Variants in KCTD9 observed in about 807,000 individuals in gnomAD.
KCTD9 encodes the protein potassium channel tetramerization domain containing 9, also known as BTB/POZ domain-containing protein KCTD9.
Under a neutral mutation model 53.3 loss-of-function variants are expected in KCTD9, and 17 were observed. That is an observed-to-expected ratio of 0.32 (90% CI 0.22 to 0.48). The LOEUF (loss-of-function observed/expected upper bound fraction) is 0.48. KCTD9 is among the 20% of genes least tolerant of loss of function. The pLI is 0.99. For synonymous variants in KCTD9, 128 were observed against 162.7 expected, an observed-to-expected ratio of 0.79 and a Z score of 1.62; for missense variants, 179 against 465.5, an observed-to-expected ratio of 0.38 and a Z score of 5.66.
At chr8:25,434,360 G>A (rs957458134) in intron 9 of KCTD9, among the ~76,000 whole-genome samples, 5 of 152,154 alleles carry the variant, frequency 3.3e-5, no homozygotes, top group Non-Finnish European at 5.9e-5. Context: ...CCAAAGTGCT[G>A]GGTTTACAGG....
chr8:25,432,135 T>A (rs1257478332), intron 11 of KCTD9, among the ~76,000 whole-genome samples: 1 of 152,178 alleles, frequency 6.6e-6, no homozygotes, highest in African/African-American at 2.4e-5. Flanking sequence ...GGCAAAATTA[T>A]AATCTCAAGC....
At chr8:25,436,561 C>T (rs1400060859) in intron 6 of KCTD9, 76 bp from the exon 7 acceptor site, 22 of 854,292 alleles carry the variant, frequency 2.6e-5, no homozygotes, top group Middle Eastern at 3.7e-4. Context: ...TACTAAAATA[C>T]GATTAGTTCA....
intron 6 of KCTD9, among the ~76,000 whole-genome samples, chr8:25,438,948 C>A (rs182082318): frequency 6.6e-6 from 1 of 152,214 alleles, no homozygotes; most frequent in Admixed American, 6.5e-5. Context: ...ATTCTTAATT[C>A]AATTTTTAAA....
chr8:25,444,360 C>A, intron 2 of KCTD9, 25 bp from the exon 3 acceptor site: 1 of 1,598,952 alleles, frequency 6.3e-7, no homozygotes, highest in Non-Finnish European at 8.5e-7. Context: ...ATTTAAAAAG[C>A]TACCATCAAA....
intron 1 of KCTD9, among the ~76,000 whole-genome samples, chr8:25,452,953 G>A (rs540571685): frequency 1.1e-3 from 174 of 152,242 alleles, no homozygotes; most frequent in African/African-American, 4.0e-3. Context: ...GACTGCTTGA[G>A]GCCAGGAGTT....
At chr8:25,446,581 C>A (rs544929136) in intron 1 of KCTD9, among the ~76,000 whole-genome samples, 1 of 152,322 alleles carries the variant, frequency 6.6e-6, no homozygotes, top group East Asian at 1.9e-4. Context: ...TTGAGTCAAC[C>A]TACTGATGCT....
intron 3 of KCTD9, among the ~76,000 whole-genome samples, chr8:25,441,813 A>T (rs781416370): frequency 1.1e-4 from 17 of 152,060 alleles, no homozygotes; most frequent in Non-Finnish European, 1.8e-4. Flanking sequence ...GCAACAGGGC[A>T]AAACCCCAAA....
At chr8:25,450,519 A>G in intron 1 of KCTD9, 6 of 912,410 alleles carry the variant, frequency 6.6e-6, no homozygotes, top group Non-Finnish European at 7.9e-6. Context: ...TATAAATGCA[A>G]TTCTAAAGCA....
chr8:25,457,880 G>A, intron 1 of KCTD9: 1 of 222,312 alleles, frequency 4.5e-6, no homozygotes. Context: ...GACCGCCCGG[G>A]CGCCCAGGTG....
chr8:25,455,244 T>TAATA (rs529396102), intron 1 of KCTD9, among the ~76,000 whole-genome samples: 10 of 150,714 alleles, frequency 6.6e-5, no homozygotes, highest in Non-Finnish European at 1.0e-4. Flanking sequence ...TAATAATAAA[T>TAATA]AATAAATAAA....
At chr8:25,453,017 C>T (rs1289505257) in intron 1 of KCTD9, among the ~76,000 whole-genome samples, 2 of 152,084 alleles carry the variant, frequency 1.3e-5, no homozygotes, top group African/African-American at 4.8e-5. Flanking sequence ...AAACTATATA[C>T]AGTATAATAT....
intron 2 of KCTD9, 173 bp downstream of exon 2, chr8:25,445,956 C>T (rs1802207347): frequency 1.5e-6 from 1 of 659,962 alleles, no homozygotes; most frequent in Admixed American, 3.1e-5. Context: ...GGTTTTCTAG[C>T]TGATCAATTC....
At position 25,445,597 on chromosome 8, in the gene KCTD9, G is replaced by GT. The variant is rs570277970; in HGVS notation, c.170+531dup. ...AATTCTCTGACCTCATGAAGATGAA[G>GT]TAAGGTGAACTACACACTTGTTTTA... On this transcript the variant is annotated intron_variant, in intron 2 of 11. Coordinates refer to ENST00000221200, the MANE Select transcript of KCTD9 (RefSeq NM_017634.4). Among the ~76,000 whole-genome samples, 30 of 152,240 alleles carry GT rather than the reference G, an allele frequency of 2.0e-4. No homozygotes were observed. The South Asian group carries it at 3.3e-3, about 17-fold the overall frequency.
At chr8:25,437,365 A>G (rs1802036083) in intron 6 of KCTD9, among the ~76,000 whole-genome samples, 1 of 152,148 alleles carries the variant, frequency 6.6e-6, no homozygotes, top group African/African-American at 2.4e-5. Context: ...TTAAACCTTT[A>G]AAACATCCAG....
At position 25,440,658 on chromosome 8, in the gene KCTD9, G is replaced by T; in HGVS notation, c.230C>A (p.Ser77Tyr). Residue 77 changes from serine to tyrosine, a missense_variant, in exon 4 of 12, where the codon TCT becomes TAT. By Grantham distance (144) the Ser-to-Tyr change is moderately radical. This residue lies in a region of KCTD9 where 115 missense variants were observed against 250.9 expected (regional missense o/e 0.46). Transcript: ENST00000221200. Reference sequence around the variant, plus strand: ...TCCTAACAATCCCTCAGGAGGCTTAGAATCTGTCTGAGGATCTAGAGATGA... The same window carrying T: ...TCCTAACAATCCCTCAGGAGGCTTATAATCTGTCTGAGGATCTAGAGATGA... ...GEPFIDPQTD[S>Y]KPPEGLLGFH... is the part of the protein sequence containing the mutation. 1.2e-6 allele frequency: 2 copies of T among 1,605,656 alleles called. No homozygotes were observed. The highest frequency in any genetic ancestry group is 1.7e-6 in the Non-Finnish European group (2 of 1,172,244).
chr8:25,458,151 C>G, intron 1 of KCTD9, 48 bp downstream of exon 1: 2 of 1,511,298 alleles, frequency 1.3e-6, no homozygotes, highest in South Asian at 1.2e-5. Context: ...GCACCGTCCG[C>G]CCTCGCCCCG....
In KCTD9 at chr8:25,436,339, A is replaced by C. The variant is rs1396103394; in HGVS notation, c.568-9T>G. On this transcript the variant is annotated splice_polypyrimidine_tract_variant and intron_variant, in intron 7 of 11. Transcript: ENST00000221200. ...TCCGGTGGTTGAGAATTCTTAAAAA[A>C]GACATTAAGAAATTAGTGGAGTCTT... The C allele has an allele frequency of 6.2e-7, 1 of 1,604,408 alleles. No individual in the cohort carries two copies. The highest frequency in any genetic ancestry group is 1.3e-5 in the African/African-American group (1 of 74,864).
chr8:25,435,656 G>T, intron 8 of KCTD9, 144 bp from the exon 9 acceptor site: 1 of 625,452 alleles, frequency 1.6e-6, no homozygotes, highest in Non-Finnish European at 2.7e-6. Flanking sequence ...TGATAAAATG[G>T]AACTTAGATA....
chr8:25,443,572 G>T (rs1390315828), intron 3 of KCTD9, among the ~76,000 whole-genome samples: 1 of 152,186 alleles, frequency 6.6e-6, no homozygotes, highest in Admixed American at 6.5e-5. Flanking sequence ...GATAAAAGAA[G>T]ATGAGAAGTT....
Sources: allele counts gnomAD v4.1 joint callset (sites outside exome capture counted in the v4.1 genomes callset), GRCh38; gene constraint gnomAD v4.1.1; regional missense constraint gnomAD v4.1.1; transcripts MANE v1.5; gene names NCBI Gene and HGNC (gene_info 2026-07-23, HGNC 2026-07-21).